Variants in ADCY8 observed in about 807,000 individuals in gnomAD.
ADCY8 encodes the protein adenylate cyclase type 8.
ADCY8 carries 51 observed loss-of-function variants against 119.7 expected under a neutral mutation model. The ratio of observed to expected loss-of-function variants is 0.43; its 90% confidence interval spans 0.34 to 0.54. The LOEUF (loss-of-function observed/expected upper bound fraction) is 0.54, where lower values mean the gene tolerates loss of function less well. ADCY8 is among the 20% of genes least tolerant of loss of function. The probability of loss-of-function intolerance (pLI) is 0.03; values close to 1 mark genes in which losing one functional copy is unlikely to be tolerated. For missense variants in ADCY8, 1,383 were observed against 1,598.8 expected, an observed-to-expected ratio of 0.87 and a Z score of 2.30; for synonymous variants, 665 against 651.0, an observed-to-expected ratio of 1.02 and a Z score of -0.33.
At chr8:130,791,790 T>C (rs1815433860) in intron 15 of ADCY8, among the ~76,000 whole-genome samples, 1 of 152,176 alleles carries the variant, frequency 6.6e-6, no homozygotes, top group East Asian at 1.9e-4. Flanking sequence ...CCACAGGTGT[T>C]TACAGGTCCA....
At chr8:130,912,510 ACATGCAGTG>A (rs1291702047) in intron 5 of ADCY8, among the ~76,000 whole-genome samples, 2 of 152,238 alleles carry the variant, frequency 1.3e-5, no homozygotes, top group East Asian at 3.8e-4. Context: ...AGGACTTAAG[ACATGCAGTG>A]TCCTTTTTTA....
intron 14 of ADCY8, among the ~76,000 whole-genome samples, chr8:130,804,380 C>T (rs1052323369): frequency 5.3e-5 from 8 of 152,144 alleles, no homozygotes; most frequent in African/African-American, 1.4e-4. Flanking sequence ...ATTAGGGCAC[C>T]AGTCATGTTG....
chr8:130,878,246 A>T (rs16904387), intron 8 of ADCY8, among the ~76,000 whole-genome samples: 18,801 of 152,010 alleles, frequency 0.12, 1,424 homozygotes, highest in African/African-American at 0.22. Flanking sequence ...CGAAATGAGG[A>T]TTTTATACGT....
chr8:130,809,948 G>A (rs1166890358), intron 14 of ADCY8, among the ~76,000 whole-genome samples: 1 of 152,206 alleles, frequency 6.6e-6, no homozygotes, highest in Non-Finnish European at 1.5e-5. Context: ...GTTCCTCTTT[G>A]AGTGCGGTCT....
intron 9 of ADCY8, among the ~76,000 whole-genome samples, chr8:130,861,218 G>A (rs1817918598): frequency 6.6e-6 from 1 of 152,080 alleles, no homozygotes; most frequent in African/African-American, 2.4e-5. Context: ...TTTAGCATTG[G>A]TTTGTTGATA....
chr8:130,828,680 C>T (rs1487095151), intron 12 of ADCY8, among the ~76,000 whole-genome samples: 1 of 152,174 alleles, frequency 6.6e-6, no homozygotes, highest in Non-Finnish European at 1.5e-5. Context: ...ATTCTGTCTT[C>T]AACAATTAGG....
chr8:130,848,068 C>T (rs998969899), intron 10 of ADCY8, among the ~76,000 whole-genome samples: 1 of 152,200 alleles, frequency 6.6e-6, no homozygotes, highest in Non-Finnish European at 1.5e-5. Flanking sequence ...AGCCTCACAA[C>T]CACCTTGTGA....
rs1266487527 is a variant in ADCY8, at chr8:131,013,978, G to C, written c.961-23436C>G. Among the ~76,000 whole-genome samples, 3 of 152,110 alleles carry C rather than the reference G, an allele frequency of 2.0e-5. No homozygotes were observed. In the South Asian group the frequency reaches 6.2e-4, roughly 32 times the overall value. ...ATTAGCCTAAGAAAAATGAAAAAAT[G>C]GTTTGTTAAGTACAAATTGAGTAGC... is the stretch of plus-strand genomic sequence containing the variant. On this transcript the variant is annotated intron_variant, in intron 1 of 17. Coordinates refer to ENST00000286355, the MANE Select transcript of ADCY8 (RefSeq NM_001115.3).
chr8:130,964,083 C>T (rs986162896), intron 2 of ADCY8, among the ~76,000 whole-genome samples: 2 of 152,144 alleles, frequency 1.3e-5, no homozygotes, highest in Admixed American at 6.5e-5. Context: ...CATGAAGTTC[C>T]CCCAAGTCCT....
chr8:130,887,246 G>C (rs1819021184), intron 7 of ADCY8, among the ~76,000 whole-genome samples: 1 of 152,096 alleles, frequency 6.6e-6, no homozygotes, highest in South Asian at 2.1e-4. Context: ...CACTTCTGTA[G>C]GATACAGACC....
chr8:131,007,479 C>T (rs1288197871), intron 1 of ADCY8, among the ~76,000 whole-genome samples: 1 of 152,126 alleles, frequency 6.6e-6, no homozygotes, highest in Non-Finnish European at 1.5e-5. Flanking sequence ...GCCAAACAAC[C>T]TACACTGCAC....
intron 8 of ADCY8, among the ~76,000 whole-genome samples, chr8:130,883,216 G>T (rs922504098): frequency 6.6e-6 from 1 of 152,182 alleles, no homozygotes; most frequent in Non-Finnish European, 1.5e-5. Flanking sequence ...TCTGGACACA[G>T]GTATTTACAC....
chr8:130,850,011 A>G (rs1817466736), intron 9 of ADCY8, among the ~76,000 whole-genome samples: 1 of 152,220 alleles, frequency 6.6e-6, no homozygotes, highest in Admixed American at 6.5e-5. Flanking sequence ...TTTGCAAAAA[A>G]ACAGAATATT....
chr8:130,868,082 A>G (rs1474460816), intron 8 of ADCY8, 136 bp from the exon 9 acceptor site: 11 of 576,298 alleles, frequency 1.9e-5, no homozygotes, highest in Non-Finnish European at 3.3e-5. Context: ...TAAAACCTTC[A>G]CAGAGCATTA....
intron 2 of ADCY8, among the ~76,000 whole-genome samples, chr8:130,977,553 C>A (rs1353527531): frequency 6.6e-6 from 1 of 152,048 alleles, no homozygotes. Context: ...AAAGAAAATG[C>A]CTAAAGGAGA....
intron 13 of ADCY8, among the ~76,000 whole-genome samples, chr8:130,816,035 C>T (rs1816329280): frequency 6.6e-6 from 1 of 152,136 alleles, no homozygotes; most frequent in Admixed American, 6.5e-5. Context: ...CAGTATGCTG[C>T]CCTGGTAAAC....
At chr8:130,847,652 G>C in intron 10 of ADCY8, 139 bp from the exon 11 acceptor site, 2 of 641,098 alleles carry the variant, frequency 3.1e-6, no homozygotes, top group Non-Finnish European at 5.4e-6. Flanking sequence ...AACCCTAGAG[G>C]GGACTTGAAG....
intron 9 of ADCY8, among the ~76,000 whole-genome samples, chr8:130,865,748 T>G (rs1412247313): frequency 6.6e-6 from 1 of 152,142 alleles, no homozygotes; most frequent in Non-Finnish European, 1.5e-5. Flanking sequence ...TAGCTAGAAT[T>G]CCTTCCCACT....
intron 13 of ADCY8, among the ~76,000 whole-genome samples, chr8:130,819,632 T>C (rs1411938679): frequency 6.6e-6 from 1 of 152,206 alleles, no homozygotes; most frequent in Admixed American, 6.5e-5. Flanking sequence ...TGTTTGTCTA[T>C]AGGGTGATGG....
Sources: allele counts gnomAD v4.1 joint callset (sites outside exome capture counted in the v4.1 genomes callset), GRCh38; gene constraint gnomAD v4.1.1; transcripts MANE v1.5; gene names NCBI Gene and HGNC (gene_info 2026-07-23, HGNC 2026-07-21).